Variants in NCMAP observed in about 807,000 individuals in gnomAD.
The protein encoded by NCMAP is noncompact myelin-associated protein.
In NCMAP, 8 loss-of-function variants were observed where a neutral mutation model predicts 7.8. The observed-to-expected ratio is 1.02, with a 90% confidence interval of 0.60 to 1.84. The LOEUF (loss-of-function observed/expected upper bound fraction) is 1.84, where lower values mean the gene tolerates loss of function less well. Ranked by LOEUF, NCMAP falls within the 40% of genes most tolerant of loss-of-function variation. The probability of loss-of-function intolerance (pLI) is 0.00; values close to 1 mark genes in which losing one functional copy is unlikely to be tolerated. For synonymous variants in NCMAP, 41 were observed against 52.9 expected, an observed-to-expected ratio of 0.78 and a Z score of 0.98; for missense variants, 112 against 131.4, an observed-to-expected ratio of 0.85 and a Z score of 0.72.
chr1:24,557,343 A>T lies in NCMAP; in HGVS notation c.-8+1174A>T, dbSNP rs114204112. Reference sequence around the variant, plus strand: ...ATGGAACAGTTATAAGCAGAAGCCAAGAGCAACAGATTATAGGCACCCCCT... The same window carrying T: ...ATGGAACAGTTATAAGCAGAAGCCATGAGCAACAGATTATAGGCACCCCCT... On this transcript the variant is annotated intron_variant, in intron 1 of 3. Transcript: ENST00000374392. 3.4e-3 allele frequency among the ~76,000 whole-genome samples: 516 copies of T among 152,314 alleles called. 4 individuals are homozygous for T. Among genetic ancestry groups the T allele is most frequent in the African/African-American group, 0.012 (485 of 41,552 alleles).
intron 2 of NCMAP, among the ~76,000 whole-genome samples, chr1:24,596,576 C>T (rs375155141): frequency 1.2e-3 from 180 of 152,076 alleles, no homozygotes; most frequent in Middle Eastern, 0.01. Context: ...CCCAGCTACA[C>T]GGGGGGTGCT....
intron 1 of NCMAP, among the ~76,000 whole-genome samples, chr1:24,560,741 C>A (rs566528828): frequency 6.7e-6 from 1 of 148,860 alleles, no homozygotes; most frequent in African/African-American, 2.5e-5. Flanking sequence ...AAGACCCTAT[C>A]TCATAGAAAA....
At chr1:24,556,931 G>A (rs539829211) in intron 1 of NCMAP, among the ~76,000 whole-genome samples, 2 of 152,288 alleles carry the variant, frequency 1.3e-5, no homozygotes, top group Non-Finnish European at 2.9e-5. Context: ...TTACCCCTCA[G>A]CCAAGGCCGT....
intron 1 of NCMAP, among the ~76,000 whole-genome samples, chr1:24,581,520 A>C (rs763711410): frequency 1.3e-5 from 2 of 152,218 alleles, no homozygotes; most frequent in Non-Finnish European, 2.9e-5. Context: ...GCAGGCAGGA[A>C]ATTCATTGTG....
intron 1 of NCMAP, among the ~76,000 whole-genome samples, chr1:24,584,974 C>A (rs957435642): frequency 1.6e-4 from 3 of 18,536 alleles, no homozygotes; most frequent in African/African-American, 6.5e-4. Context: ...AGTGGGTGGG[C>A]GGGTGGGTGG....
Position 24,567,754 on chromosome 1 carries a change from A to T in NCMAP, c.-8+11585A>T, listed in dbSNP as rs542802251. Among the ~76,000 whole-genome samples the T allele has an allele frequency of 4.6e-5, 7 of 152,290 alleles. No individual in the cohort carries two copies. In the South Asian group the frequency reaches 1.5e-3, roughly 32 times the overall value. ...TCTGTCTCCACCCTCTTTCTAGTTCATGGAGGAGGGAAGAAGTGGAGGACA... is the reference window on the plus strand; with the variant it reads ...TCTGTCTCCACCCTCTTTCTAGTTCTTGGAGGAGGGAAGAAGTGGAGGACA... On this transcript the variant is annotated intron_variant, in intron 1 of 3. Transcript: ENST00000374392.
At chr1:24,562,776 C>CA (rs1193423205) in intron 1 of NCMAP, among the ~76,000 whole-genome samples, 1 of 152,182 alleles carries the variant, frequency 6.6e-6, no homozygotes, top group Non-Finnish European at 1.5e-5. Context: ...GTCCCACCCC[C>CA]ACACCCACCC....
chr1:24,601,029 G>C lies in NCMAP; in HGVS notation c.167+5G>C. ...CCTGCTGAAGATGTACAACAGGTAC[G>C]GATGCCCTGGGCTTTGGAACTGCCT... On this transcript the variant is annotated splice_donor_5th_base_variant and intron_variant, in intron 3 of 3. Coordinates refer to ENST00000374392, the MANE Select transcript of NCMAP (RefSeq NM_001010980.5). The C allele has an allele frequency of 6.2e-7, 1 of 1,613,212 alleles. No individual in the cohort carries two copies. Among genetic ancestry groups the C allele is most frequent in the Non-Finnish European group, 8.5e-7 (1 of 1,179,256 alleles).
At chr1:24,587,727 G>T (rs1196919357) in intron 1 of NCMAP, among the ~76,000 whole-genome samples, 1 of 152,026 alleles carries the variant, frequency 6.6e-6, no homozygotes, top group African/African-American at 2.4e-5. Flanking sequence ...TGTCCAGGCT[G>T]GTCTCGAACT....
At chr1:24,604,192 T>A (rs1194792420) in intron 3 of NCMAP, among the ~76,000 whole-genome samples, 1 of 152,204 alleles carries the variant, frequency 6.6e-6, no homozygotes, top group Non-Finnish European at 1.5e-5. Context: ...TGCAGGCTTT[T>A]TTGGGGGCCA....
intron 3 of NCMAP, among the ~76,000 whole-genome samples, chr1:24,602,321 T>TTTATAAAGGGA (rs1390180480): frequency 5.3e-5 from 8 of 149,654 alleles, no homozygotes; most frequent in African/African-American, 2.0e-4. Flanking sequence ...ATGAATATTA[T>TTTATAAAGGGA]CCTGTAATCC....
chr1:24,589,932 C>G (rs9728005), intron 1 of NCMAP, among the ~76,000 whole-genome samples: 32,546 of 152,100 alleles, frequency 0.21, 3,847 homozygotes, highest in African/African-American at 0.32. Flanking sequence ...AAGCAATTCT[C>G]CTGCCTCAGC....
rs745655768 is a variant in NCMAP, at chr1:24,605,670, G to T, written c.232G>T (p.Gly78Cys). 3.7e-6 allele frequency: 6 copies of T among 1,614,154 alleles called. No individual in the cohort carries two copies. In the East Asian group the frequency reaches 1.1e-4, roughly 30 times the overall value. ...GPKPTAPSAV[G>C]PNSNGSQHPA... Reference sequence around the variant, plus strand: ...CAAGCCAACCGCCCCTTCTGCCGTGGGCCCAAACAGCAACGGCAGCCAACA... The same window carrying T: ...CAAGCCAACCGCCCCTTCTGCCGTGTGCCCAAACAGCAACGGCAGCCAACA... Residue 78 changes from glycine (G) to cysteine (C), a missense_variant, in exon 4 of 4, where the codon GGC becomes TGC. Gly to Cys is a radical substitution (Grantham distance 159). Transcript: ENST00000374392.
intron 3 of NCMAP, among the ~76,000 whole-genome samples, chr1:24,603,706 T>C (rs530847322): frequency 6.6e-6 from 1 of 152,296 alleles, no homozygotes; most frequent in African/African-American, 2.4e-5. Flanking sequence ...TTCTTAGGAG[T>C]ATTTAGGAGT....
At position 24,602,438 on chromosome 1, in the gene NCMAP, TG is replaced by T. The variant is rs1652535739; in HGVS notation, c.167+1417del. Among the ~76,000 whole-genome samples the T allele has an allele frequency of 7.5e-5, 11 of 145,738 alleles. 1 individual carries two copies. The highest frequency in any genetic ancestry group is 2.7e-4 in the African/African-American group (10 of 36,388). ...ACAAAAAATTAGCCGGGCGCAGTGGTGGGCGCCTGTAGTCCCAGCTACTCGG... is the reference window on the plus strand; with the variant it reads ...ACAAAAAATTAGCCGGGCGCAGTGGTGGCGCCTGTAGTCCCAGCTACTCGG... On this transcript the variant is annotated intron_variant, in intron 3 of 3. Coordinates refer to ENST00000374392, the MANE Select transcript of NCMAP (RefSeq NM_001010980.5).
chr1:24,592,610 AT>A (rs1202963746), intron 1 of NCMAP, among the ~76,000 whole-genome samples: 1 of 151,960 alleles, frequency 6.6e-6, no homozygotes, highest in African/African-American at 2.4e-5. Context: ...GCTATGTCTG[AT>A]TTTTTTTCTT....
intron 1 of NCMAP, among the ~76,000 whole-genome samples, chr1:24,590,273 G>A (rs375175928): frequency 1.8e-4 from 28 of 152,342 alleles, no homozygotes; most frequent in East Asian, 3.9e-4. Context: ...ATTTTTGTGC[G>A]TGTTGGTATC....
At chr1:24,556,543 C>T (rs1412990603) in intron 1 of NCMAP, among the ~76,000 whole-genome samples, 3 of 152,346 alleles carry the variant, frequency 2.0e-5, no homozygotes, top group South Asian at 4.1e-4. Context: ...GGGCCTTATC[C>T]GCCCCATCTG....
chr1:24,598,341 AAG>A (rs1652332374), intron 2 of NCMAP, among the ~76,000 whole-genome samples: 1 of 152,134 alleles, frequency 6.6e-6, no homozygotes, highest in Non-Finnish European at 1.5e-5. Flanking sequence ...CAAATCAAAA[AAG>A]AGAGCCACCA....
Sources: gnomAD v4.1 joint callset for allele counts (sites outside exome capture counted in the v4.1 genomes callset) on GRCh38, gnomAD v4.1.1 for gene constraint, MANE v1.5 for transcripts, NCBI Gene and HGNC (gene_info 2026-07-23, HGNC 2026-07-21) for gene names.